The following BRINP3 variants were observed in gnomAD, a reference collection of about 807,000 sequenced individuals.
BRINP3 encodes BMP/retinoic acid inducible neural specific 3.
A neutral mutation model predicts 71.0 loss-of-function variants in BRINP3; 19 were observed. The ratio of observed to expected loss-of-function variants is 0.27; its 90% CI spans 0.19 to 0.39. The LOEUF (loss-of-function observed/expected upper bound fraction) is 0.39. Ranked by LOEUF, BRINP3 falls within the 10% of genes least tolerant of loss-of-function variation. The probability of loss-of-function intolerance (pLI) is 1.00; values close to 1 mark genes in which losing one functional copy is unlikely to be tolerated. For missense variants in BRINP3, 959 were observed against 940.8 expected, an observed-to-expected ratio of 1.02 and a Z score of -0.25; for synonymous variants, 380 against 337.7, an observed-to-expected ratio of 1.13 and a Z score of -1.37.
intron 2 of BRINP3, among the ~76,000 whole-genome samples, chr1:190,341,850 G>A (rs1174592194): frequency 6.6e-6 from 1 of 151,776 alleles, no homozygotes; most frequent in African/African-American, 2.4e-5. Flanking sequence ...TTTGTTTCCT[G>A]TTTCTACCTA....
At chr1:190,142,530 T>C (rs1295127665) in intron 7 of BRINP3, among the ~76,000 whole-genome samples, 2 of 152,156 alleles carry the variant, frequency 1.3e-5, no homozygotes, top group Admixed American at 6.5e-5. Flanking sequence ...TTGATCTCTG[T>C]TTTTACAGAA....
At chr1:190,153,605 T>C (rs1656607988) in intron 7 of BRINP3, among the ~76,000 whole-genome samples, 2 of 152,210 alleles carry the variant, frequency 1.3e-5, no homozygotes, top group Admixed American at 6.6e-5. Context: ...ACTAATATCC[T>C]AATTTCCATA....
At chr1:190,165,443 G>GTTTTTTTTTTTT (rs1222291505) in intron 6 of BRINP3, among the ~76,000 whole-genome samples, 5 of 46,600 alleles carry the variant, frequency 1.1e-4, no homozygotes, top group Admixed American at 2.4e-4. Context: ...TTCATTGGCT[G>GTTTTTTTTTTTT]TTTTTTTTTT....
At chr1:190,344,710 TTAGC>T (rs920921162) in intron 2 of BRINP3, among the ~76,000 whole-genome samples, 44 of 152,022 alleles carry the variant, frequency 2.9e-4, no homozygotes, top group Non-Finnish European at 6.0e-4. Flanking sequence ...TTTGAATCTC[TTAGC>T]TAGGAGGTAG....
chr1:190,337,367 T>C (rs988589349), intron 2 of BRINP3, among the ~76,000 whole-genome samples: 3 of 152,064 alleles, frequency 2.0e-5, no homozygotes, highest in East Asian at 1.9e-4. Context: ...TAGTTATGTC[T>C]GTGAGGGTGT....
intron 2 of BRINP3, among the ~76,000 whole-genome samples, chr1:190,359,133 A>T (rs1668955973): frequency 6.6e-6 from 1 of 152,152 alleles, no homozygotes; most frequent in Admixed American, 6.6e-5. Flanking sequence ...CACATTGCGC[A>T]CAGGTACCCT....
intron 2 of BRINP3, among the ~76,000 whole-genome samples, chr1:190,308,817 T>C (rs1404890487): frequency 6.6e-6 from 1 of 151,958 alleles, no homozygotes; most frequent in Non-Finnish European, 1.5e-5. Context: ...GTATATATGT[T>C]TATATGTGTT....
chr1:190,333,806 G>A (rs929450780), intron 2 of BRINP3, among the ~76,000 whole-genome samples: 1 of 151,844 alleles, frequency 6.6e-6, no homozygotes, highest in Non-Finnish European at 1.5e-5. Flanking sequence ...TATATCTTGT[G>A]ATCTTTTTGA....
chr1:190,475,090 C>A (rs1230139599), intron 1 of BRINP3, among the ~76,000 whole-genome samples: 6 of 152,202 alleles, frequency 3.9e-5, no homozygotes, highest in Admixed American at 3.9e-4. Flanking sequence ...GCTCTCCCCA[C>A]CGCCCTCCAG....
intron 2 of BRINP3, among the ~76,000 whole-genome samples, chr1:190,391,002 G>T (rs1005701184): frequency 6.6e-6 from 1 of 151,782 alleles, no homozygotes; most frequent in Non-Finnish European, 1.5e-5. Flanking sequence ...GTATGGCTGT[G>T]GCAAATCTAT....
rs1180068810 is a variant in BRINP3, at chr1:190,260,557, T to TAG, written c.618+4306_618+4307dup. On this transcript the variant is annotated intron_variant, in intron 4 of 7. Transcript: ENST00000367462. The stretch of plus-strand genomic sequence containing the variant: ...TAAGTTTTAAAAACATATATATATA[T>TAG]AGAGAGAGAGAGGTAAAATTAAAAA... Among the ~76,000 whole-genome samples, 18 of 151,434 alleles carry TAG rather than the reference T, an allele frequency of 1.2e-4. No individual in the cohort carries two copies. In the South Asian group the frequency reaches 3.7e-3, roughly 32 times the overall value.
intron 2 of BRINP3, among the ~76,000 whole-genome samples, chr1:190,449,333 C>T (rs1675447053): frequency 6.6e-6 from 1 of 151,898 alleles, no homozygotes; most frequent in African/African-American, 2.4e-5. Flanking sequence ...TTCCTACAAT[C>T]TATTGAAGAG....
chr1:190,447,064 A>C (rs971716945), intron 2 of BRINP3, among the ~76,000 whole-genome samples: 1 of 151,884 alleles, frequency 6.6e-6, no homozygotes, highest in African/African-American at 2.4e-5. Context: ...ATATACATGA[A>C]AGAGAAATTC....
intron 2 of BRINP3, among the ~76,000 whole-genome samples, chr1:190,327,326 CAAAAAAAAAAAAAA>C (rs1227478693): frequency 9.0e-5 from 4 of 44,232 alleles, no homozygotes; most frequent in African/African-American, 1.4e-4. Flanking sequence ...AAAAAAAGAA[CAAAAAAAAAAAAAA>C]AAAAAAAAAA....
At position 190,225,091 on chromosome 1, in the gene BRINP3, T is replaced by C. The variant is rs1571413008; in HGVS notation, c.961+991A>G. ...ATGGAGTTTGCTCAAACACCTAAAG[T>C]AGAAGTACCATATTATTAATCTCAC... On this transcript the variant is annotated intron_variant, in intron 6 of 7. Transcript: ENST00000367462. 2.0e-5 allele frequency among the ~76,000 whole-genome samples: 3 copies of C among 151,952 alleles called. No individual in the cohort carries two copies. In the South Asian group the frequency reaches 6.2e-4, roughly 32 times the overall value.
At chr1:190,473,896 CCCACCCCCA>C (rs1410976469) in intron 1 of BRINP3, among the ~76,000 whole-genome samples, 1 of 150,494 alleles carries the variant, frequency 6.6e-6, no homozygotes, top group Non-Finnish European at 1.5e-5. Flanking sequence ...TACAACCCAA[CCCACCCCCA>C]CCTCATGTAT....
At chr1:190,164,111 CAGATACATACCCCCGATTGGAATT>C (rs1253496055) in intron 6 of BRINP3, among the ~76,000 whole-genome samples, 3 of 152,086 alleles carry the variant, frequency 2.0e-5, no homozygotes, top group Non-Finnish European at 4.4e-5. Flanking sequence ...GAATCAGACT[CAGATACATACCCCCGATTGGAATT>C]TTTGCCCTTA....
At chr1:190,441,620 G>A (rs934510251) in intron 2 of BRINP3, among the ~76,000 whole-genome samples, 7 of 152,012 alleles carry the variant, frequency 4.6e-5, no homozygotes, top group Admixed American at 6.6e-5. Flanking sequence ...TTTAAAATGT[G>A]CATATTTGGA....
At position 190,383,757 on chromosome 1, in the gene BRINP3, T is replaced by C. The variant is rs775901299; in HGVS notation, c.236+70898A>G. Among the ~76,000 whole-genome samples, 93 of 151,990 alleles carry C rather than the reference T, an allele frequency of 6.1e-4. 1 individual carries two copies. Among genetic ancestry groups the C allele is most frequent in the Non-Finnish European group, 9.6e-4 (65 of 67,922 alleles). On this transcript the variant is annotated intron_variant, in intron 2 of 7. Transcript: ENST00000367462. ...CAGAGGATTATATGATGTAATAATG[T>C]TTGTGAAAAAACACTTCTGAATTTA...
Sources: gnomAD v4.1 joint callset for allele counts (sites outside exome capture counted in the v4.1 genomes callset) on GRCh38, gnomAD v4.1.1 for gene constraint, MANE v1.5 for transcripts, NCBI Gene and HGNC (gene_info 2026-07-23, HGNC 2026-07-21) for gene names.